Variants in ANKRD11 observed in about 807,000 individuals in gnomAD.
The protein encoded by ANKRD11 is ankyrin repeat domain-containing protein 11.
ANKRD11 carries 17 observed loss-of-function variants against 195.7 expected under a neutral mutation model. The ratio of observed to expected loss-of-function variants is 0.09; its 90% CI spans 0.06 to 0.13. The LOEUF is 0.13. Ranked by LOEUF, ANKRD11 falls within the 10% of genes least tolerant of loss-of-function variation. ANKRD11 has a pLI of 1.00. For synonymous variants in ANKRD11, 1,953 were observed against 1,528.1 expected (o/e 1.28, Z -6.49); for missense variants, 3,735 against 3,566.1 (o/e 1.05, Z -1.21).
chr16:89,337,896 T>C (rs2038454960), intron 2 of ANKRD11, among the ~76,000 whole-genome samples: 1 of 152,094 alleles, frequency 6.6e-6, no homozygotes, highest in Non-Finnish European at 1.5e-5. Context: ...GTGTGTGGAA[T>C]CCCCCTCTAT....
chr16:89,335,587 G>A (rs925948105), intron 2 of ANKRD11, among the ~76,000 whole-genome samples: 1 of 152,190 alleles, frequency 6.6e-6, no homozygotes, highest in Admixed American at 6.5e-5. Context: ...GAGTGACGTC[G>A]CTTTGGCAGG....
At position 89,284,589 on chromosome 16, in the gene ANKRD11, C is replaced by T; in HGVS notation, c.1953G>A (p.Glu651=). ...CGTAAGTAAAACTTTTCAACTTCAG[C>T]TCTTGGCTGATGGAACACTGTCCCT... ...KEKGQCSISQ[E]LKLKSFTYEY... is the part of the protein sequence containing the mutation. Residue 651 remains glutamate, a synonymous_variant, in exon 9 of 13, where the codon GAG becomes GAA. Transcript: ENST00000301030. The T allele has an allele frequency of 3.7e-6, 6 of 1,614,184 alleles. No homozygotes were observed. The highest frequency in any genetic ancestry group is 2.2e-5 in the East Asian group (1 of 44,882).
chr16:89,409,101 G>C (rs979712973), intron 2 of ANKRD11, among the ~76,000 whole-genome samples: 3 of 152,180 alleles, frequency 2.0e-5, no homozygotes, highest in South Asian at 2.1e-4. Flanking sequence ...GGGGGCCCAG[G>C]CCAGTGAGCC....
At chr16:89,398,160 C>T (rs576817098) in intron 2 of ANKRD11, among the ~76,000 whole-genome samples, 1 of 150,164 alleles carries the variant, frequency 6.7e-6, no homozygotes, top group African/African-American at 2.5e-5. Flanking sequence ...CTACCTGTGA[C>T]CTCAGCACTC....
At position 89,305,631 on chromosome 16, in the gene ANKRD11, C is replaced by G. The variant is rs3829499; in HGVS notation, c.88-287G>C. ...GTGTGTGGAGAAAGCAGAGGAGACA[C>G]ACACGCGCTACCTCTCACTCCGCAG... On this transcript the variant is annotated intron_variant, in intron 3 of 12. Transcript: ENST00000301030. Among the ~76,000 whole-genome samples the G allele has an allele frequency of 0.74, 106,576 of 144,256 alleles. 39,380 individuals carry two copies. The highest frequency in any genetic ancestry group is 0.79 in the Middle Eastern group (223 of 282). 94.6% of individuals were successfully genotyped at this position (144,256 alleles called of 152,430 possible).
intron 9 of ANKRD11, chr16:89,278,706 A>G (rs1351357310): frequency 4.1e-6 from 2 of 489,782 alleles, no homozygotes; most frequent in East Asian, 1.2e-4. Flanking sequence ...CAGGGGCAGG[A>G]GACACAGGGG....
chr16:89,413,557 G>A (rs910073456), intron 2 of ANKRD11, among the ~76,000 whole-genome samples: 4 of 152,120 alleles, frequency 2.6e-5, no homozygotes, highest in African/African-American at 7.2e-5. Context: ...CCCGGGAGGC[G>A]GAGCTTGCAG....
At chr16:89,365,389 G>A (rs574168157) in intron 2 of ANKRD11, among the ~76,000 whole-genome samples, 1 of 152,312 alleles carries the variant, frequency 6.6e-6, no homozygotes, top group Admixed American at 6.5e-5. Flanking sequence ...ACAGAACACA[G>A]ACATCCTTGG....
chr16:89,410,030 G>A (rs1458401547), intron 2 of ANKRD11, among the ~76,000 whole-genome samples: 4 of 152,026 alleles, frequency 2.6e-5, no homozygotes, highest in Non-Finnish European at 5.9e-5. Context: ...TAGTAGAGAC[G>A]GGTTTTCACG....
intron 7 of ANKRD11, chr16:89,287,155 T>A (rs1464500883): frequency 7.9e-7 from 1 of 1,269,712 alleles, no homozygotes; most frequent in African/African-American, 1.5e-5. Flanking sequence ...GGGACGGAGG[T>A]CCCCAGTCCC....
intron 1 of ANKRD11, among the ~76,000 whole-genome samples, chr16:89,480,311 T>G (rs1231363128): frequency 1.3e-5 from 2 of 149,554 alleles, no homozygotes; most frequent in Non-Finnish European, 3.0e-5. Context: ...CCTGACTCTA[T>G]TAAAAATACA....
At chr16:89,393,964 T>C (rs888955760) in intron 2 of ANKRD11, among the ~76,000 whole-genome samples, 6 of 152,202 alleles carry the variant, frequency 3.9e-5, no homozygotes, top group Non-Finnish European at 8.8e-5. Context: ...TACGAATAAG[T>C]GAAGCTCAAA....
intron 2 of ANKRD11, among the ~76,000 whole-genome samples, chr16:89,382,978 T>A (rs1174080668): frequency 1.3e-5 from 2 of 152,228 alleles, no homozygotes; most frequent in African/African-American, 4.8e-5. Context: ...GGAGCTGGGA[T>A]TACAGGCGTG....
intron 2 of ANKRD11, among the ~76,000 whole-genome samples, chr16:89,347,091 C>T (rs1459156914): frequency 6.6e-6 from 1 of 151,904 alleles, no homozygotes; most frequent in East Asian, 1.9e-4. Flanking sequence ...AGCACATGGG[C>T]TGGGCTCCTA....
chr16:89,397,706 G>A (rs897291069), intron 2 of ANKRD11, among the ~76,000 whole-genome samples: 1 of 152,218 alleles, frequency 6.6e-6, no homozygotes, highest in Admixed American at 6.5e-5. Flanking sequence ...ACCCGGTACT[G>A]CTCTTGGAAT....
At chr16:89,420,639 A>C (rs993473376) in intron 1 of ANKRD11, among the ~76,000 whole-genome samples, 1 of 152,226 alleles carries the variant, frequency 6.6e-6, no homozygotes, top group African/African-American at 2.4e-5. Context: ...TCTGACTGAC[A>C]GACAATCTCA....
At chr16:89,304,029 T>C (rs1020825029) in intron 4 of ANKRD11, among the ~76,000 whole-genome samples, 1 of 152,224 alleles carries the variant, frequency 6.6e-6, no homozygotes. Flanking sequence ...CTCCAGGCTT[T>C]GTGGCCAGCT....
In ANKRD11 at chr16:89,285,096, C is replaced by G. The variant is rs1567581652; in HGVS notation, c.1446G>C (p.Glu482Asp). The change falls in exon 9 of 13, where the codon GAG (glutamate) becomes GAC (aspartate). Residue 482 changes from glutamate to aspartate, a missense_variant. By Grantham distance (45) the Glu-to-Asp change is conservative (BLOSUM62 2). Transcript: ENST00000301030. The surrounding 1 kb of genome is among the most constrained non-coding windows in gnomAD (Gnocchi z 5.6). ...CCTCCCCACTCTCTGAGGACTCGCT[C>G]TCCGACTCCGAGGAGCAGAACTTGT... ...RSDKFCSSES[E>D]SESSESGEDD... 1.2e-6 allele frequency: 2 copies of G among 1,613,790 alleles called. No individual in the cohort carries two copies. Among genetic ancestry groups the G allele is most frequent in the Non-Finnish European group, 1.7e-6 (2 of 1,180,042 alleles).
chr16:89,360,760 G>C (rs1320867411), intron 2 of ANKRD11: 1 of 152,210 alleles, frequency 6.6e-6, no homozygotes, highest in East Asian at 1.9e-4. Flanking sequence ...GAGAGGAAGA[G>C]GAGAAGAAAA....
Sources: gnomAD v4.1 joint callset for allele counts (sites outside exome capture counted in the v4.1 genomes callset) on GRCh38, gnomAD v4.1.1 for gene constraint, Gnocchi (gnomAD v3.1) non-coding constraint, MANE v1.5 for transcripts, NCBI Gene and HGNC (gene_info 2026-07-23, HGNC 2026-07-21) for gene names.